Variants in SLC25A48 observed in about 807,000 individuals in gnomAD.
The protein encoded by SLC25A48 is CTC-321K16.1.
SLC25A48 carries 29 observed loss-of-function variants against 32.2 expected under a neutral mutation model. That is an observed-to-expected ratio of 0.90 (90% confidence interval 0.67 to 1.23). The LOEUF is 1.23. Ranked by LOEUF, SLC25A48 falls within the 50% of genes most tolerant of loss-of-function variation. The pLI is 0.00. For synonymous variants in SLC25A48, 164 were observed against 172.3 expected (o/e 0.95, Z 0.38); for missense variants, 399 against 422.7 (o/e 0.94, Z 0.49).
At position 135,631,629 on chromosome 5, in the gene SLC25A48, C is replaced by T. The variant is rs192836544; in HGVS notation, c.-709+2253C>T. 6.6e-5 allele frequency among the ~76,000 whole-genome samples: 10 copies of T among 152,356 alleles called. No homozygotes were observed. In the East Asian group the frequency reaches 1.3e-3, roughly 21 times the overall value. Reference sequence around the variant, plus strand: ...AACTAATCTGTCCTGCTCAACTTGTCCCCTTTTGTCTCCCCGGATCAGCAT... The same window carrying T: ...AACTAATCTGTCCTGCTCAACTTGTTCCCTTTTGTCTCCCCGGATCAGCAT... On this transcript the variant is annotated intron_variant, in intron 2 of 10. Transcript: ENST00000646290.
intron 2 of SLC25A48, among the ~76,000 whole-genome samples, chr5:135,847,007 A>G (rs1351990805): frequency 1.3e-5 from 2 of 152,216 alleles, no homozygotes; most frequent in Non-Finnish European, 2.9e-5. Flanking sequence ...AAAGCGAAAG[A>G]GTCCAAAATC....
intron 2 of SLC25A48, among the ~76,000 whole-genome samples, chr5:135,848,785 A>C (rs1759608754): frequency 6.6e-6 from 1 of 152,210 alleles, no homozygotes; most frequent in African/African-American, 2.4e-5. Flanking sequence ...TTCTCTGATT[A>C]TGAAAGTAAT....
intron 3 of SLC25A48, among the ~76,000 whole-genome samples, chr5:135,729,306 G>A (rs946751753): frequency 3.3e-4 from 50 of 152,188 alleles, no homozygotes; most frequent in African/African-American, 1.1e-3. Context: ...TATGTTCAAG[G>A]GATTTACATT....
In SLC25A48 at chr5:135,834,722, T is replaced by A. The variant is rs1399816163; in HGVS notation, c.-126T>A. ...GGTGACTGGGGGACTGGGTTTGGAG[T>A]AGGACCTGCGGCGTGCTCGAGACTC... On this transcript the variant is annotated 5_prime_UTR_variant, in exon 1 of 8. Transcript: ENST00000681962. 8.7e-6 allele frequency: 9 copies of A among 1,036,452 alleles called. No individual in the cohort carries two copies. The African/African-American group carries it at 1.5e-4, about 17-fold the overall frequency. 64.2% of individuals were successfully genotyped at this position (1,036,452 alleles called of 1,614,324 possible). A position where few individuals can be genotyped will look rare whatever the true frequency, so the allele number is the denominator to read the frequency against.
At chr5:135,642,721 C>T (rs1016639488) in intron 3 of SLC25A48, among the ~76,000 whole-genome samples, 4 of 152,098 alleles carry the variant, frequency 2.6e-5, no homozygotes, top group African/African-American at 9.7e-5. Flanking sequence ...AACATGTGTG[C>T]AGGAGTGGTT....
chr5:135,749,603 G>T (rs4490574), intron 3 of SLC25A48, among the ~76,000 whole-genome samples: 1 of 151,386 alleles, frequency 6.6e-6, no homozygotes, highest in Non-Finnish European at 1.5e-5. Flanking sequence ...GTGGGGTGGT[G>T]GGGGTGCGAT....
At chr5:135,767,287 G>C (rs1373344902) in intron 3 of SLC25A48, among the ~76,000 whole-genome samples, 1 of 151,786 alleles carries the variant, frequency 6.6e-6, no homozygotes, top group Non-Finnish European at 1.5e-5. Flanking sequence ...TGTCCAGAAG[G>C]CGAGAGGATG....
At chr5:135,691,230 G>A (rs1312987139) in intron 3 of SLC25A48, among the ~76,000 whole-genome samples, 1 of 152,168 alleles carries the variant, frequency 6.6e-6, no homozygotes, top group Admixed American at 6.5e-5. Context: ...TGGATCCAGT[G>A]GAAACAAGAG....
At chr5:135,853,757 T>G (rs1211851693) in intron 4 of SLC25A48, among the ~76,000 whole-genome samples, 1 of 152,206 alleles carries the variant, frequency 6.6e-6, no homozygotes, top group Non-Finnish European at 1.5e-5. Flanking sequence ...TTTGACCTCC[T>G]CCCATGAACC....
chr5:135,582,931 T>C (rs568341830), intron 1 of SLC25A48, among the ~76,000 whole-genome samples: 1 of 152,338 alleles, frequency 6.6e-6, no homozygotes, highest in East Asian at 1.9e-4. Context: ...TTATTCATTG[T>C]ATGTGCAGCA....
chr5:135,774,033 C>T (rs993514254), intron 3 of SLC25A48, among the ~76,000 whole-genome samples: 4 of 150,966 alleles, frequency 2.6e-5, no homozygotes, highest in South Asian at 2.1e-4. Context: ...GCAGTCTACA[C>T]CTCCCAAAAT....
At chr5:135,842,723 G>A (rs1759110982) in intron 2 of SLC25A48, among the ~76,000 whole-genome samples, 1 of 152,218 alleles carries the variant, frequency 6.6e-6, no homozygotes, top group Non-Finnish European at 1.5e-5. Flanking sequence ...CTCTGGGGCT[G>A]TTGGGACCTT....
chr5:135,790,227 G>A (rs1049195477), intron 3 of SLC25A48, among the ~76,000 whole-genome samples: 2 of 151,808 alleles, frequency 1.3e-5, no homozygotes, highest in Non-Finnish European at 2.9e-5. Context: ...GTCACAGTGT[G>A]TTTACACCAT....
chr5:135,870,718 GT>G (rs1462787023), intron 4 of SLC25A48, among the ~76,000 whole-genome samples: 1 of 152,026 alleles, frequency 6.6e-6, no homozygotes. Context: ...AGTTGATAAC[GT>G]TTTAAGCCCC....
chr5:135,836,977 C>CAA (rs1561519659), intron 1 of SLC25A48, among the ~76,000 whole-genome samples: 2 of 51,492 alleles, frequency 3.9e-5, no homozygotes, highest in Non-Finnish European at 8.2e-5. Flanking sequence ...CCCACCCCCC[C>CAA]CCCCCACACA....
chr5:135,871,875 C>T (rs376595150), intron 5 of SLC25A48, 157 bp downstream of exon 5: 8 of 1,506,282 alleles, frequency 5.3e-6, no homozygotes, highest in Non-Finnish European at 7.1e-6. Flanking sequence ...GTCCCCGGCC[C>T]TCTCCCACCT....
chr5:135,733,835 T>C (rs1755289120), intron 3 of SLC25A48, among the ~76,000 whole-genome samples: 1 of 151,972 alleles, frequency 6.6e-6, no homozygotes, highest in South Asian at 2.1e-4. Context: ...GGATTTAGGA[T>C]TTATGGGGTC....
At chr5:135,784,369 C>G (rs1187025664) in intron 3 of SLC25A48, among the ~76,000 whole-genome samples, 6 of 117,144 alleles carry the variant, frequency 5.1e-5, no homozygotes, top group Non-Finnish European at 1.3e-4. Flanking sequence ...TTTTTAATAT[C>G]CAGTAGAAGA....
chr5:135,870,375 G>A (rs371808620), intron 4 of SLC25A48, among the ~76,000 whole-genome samples: 1 of 152,340 alleles, frequency 6.6e-6, no homozygotes. Context: ...AGTAGAGAAG[G>A]ATCCATAGCA....
Sources: allele counts gnomAD v4.1 joint callset (sites outside exome capture counted in the v4.1 genomes callset), GRCh38; gene constraint gnomAD v4.1.1; transcripts MANE v1.5; gene names NCBI Gene and HGNC (gene_info 2026-07-23, HGNC 2026-07-21).